TMEM236: variants seen among roughly 807,000 people sequenced by gnomAD.
The protein encoded by TMEM236 is transmembrane protein 236.
A neutral mutation model predicts 14.7 loss-of-function variants in TMEM236; 11 were observed. The observed-to-expected ratio is 0.75, with a 90% CI of 0.47 to 1.24. TMEM236 has a LOEUF of 1.24. Ranked by LOEUF, TMEM236 falls within the 50% of genes most tolerant of loss-of-function variation. The pLI is 0.00. For missense variants in TMEM236, 464 were observed against 427.3 expected, an observed-to-expected ratio of 1.09 and a Z score of -0.76; for synonymous variants, 182 against 168.6, an observed-to-expected ratio of 1.08 and a Z score of -0.62.
intron 3 of TMEM236, among the ~76,000 whole-genome samples, chr10:17,782,188 A>C (rs1837762116): frequency 6.6e-6 from 1 of 152,124 alleles, no homozygotes; most frequent in African/African-American, 2.4e-5. Flanking sequence ...ACCTTTGAAA[A>C]ACAGATAAAC....
rs782086206 is a variant in TMEM236 at position 17,771,316 on chromosome 10, G to A, written c.265G>A (p.Val89Ile). Residue 89 changes from valine to isoleucine, a missense_variant, in exon 2 of 4, where the codon GTT (valine) becomes ATT (isoleucine). Val to Ile is a conservative substitution (Grantham distance 29). Coordinates refer to ENST00000377495, the MANE Select transcript of TMEM236 (RefSeq NM_001098844.3). Reference protein sequence around the residue: ...IYRKIKGWRPVLMMCVVLTTL... With the variant: ...IYRKIKGWRPILMMCVVLTTL... Reference sequence around the variant, plus strand: ...TTTTTTCTCCTTTGCTAGGAGACCTGTTCTGATGATGTGTGTGGTCCTCAC... The same window carrying A: ...TTTTTTCTCCTTTGCTAGGAGACCTATTCTGATGATGTGTGTGGTCCTCAC... 2 of 1,613,904 alleles carry A rather than the reference G, an allele frequency of 1.2e-6. No homozygotes were observed. Among genetic ancestry groups the A allele is most frequent in the Non-Finnish European group, 1.7e-6 (2 of 1,179,826 alleles).
chr10:17,789,179 G>T (rs934693275), intron 3 of TMEM236, among the ~76,000 whole-genome samples: 4 of 152,050 alleles, frequency 2.6e-5, no homozygotes, highest in African/African-American at 9.7e-5. Context: ...ATATCTGTAG[G>T]GTAGCATTTT....
chr10:17,758,891 T>C (rs2131740488), intron 1 of TMEM236, among the ~76,000 whole-genome samples: 1 of 152,376 alleles, frequency 6.6e-6, no homozygotes, highest in South Asian at 2.1e-4. Flanking sequence ...TGTTATTTTA[T>C]GTCATATTTA....
At chr10:17,760,555 C>G (rs1837347466) in intron 1 of TMEM236, among the ~76,000 whole-genome samples, 2 of 152,120 alleles carry the variant, frequency 1.3e-5, no homozygotes, top group African/African-American at 4.8e-5. Context: ...ATTTCCTTTA[C>G]AGTTTGGTCT....
chr10:17,753,084 C>T (rs1256617981), intron 1 of TMEM236, among the ~76,000 whole-genome samples: 9 of 151,842 alleles, frequency 5.9e-5, no homozygotes, highest in African/African-American at 1.7e-4. Flanking sequence ...TTAGTAGAGA[C>T]GGGGTTTTCA....
At chr10:17,772,629 A>G (rs1343011694) in intron 2 of TMEM236, among the ~76,000 whole-genome samples, 1 of 152,122 alleles carries the variant, frequency 6.6e-6, no homozygotes, top group Non-Finnish European at 1.5e-5. Flanking sequence ...AGTATAACAC[A>G]TAAACAGAAA....
intron 3 of TMEM236, among the ~76,000 whole-genome samples, chr10:17,783,711 A>G (rs1209134120): frequency 6.6e-6 from 1 of 152,240 alleles, no homozygotes; most frequent in Non-Finnish European, 1.5e-5. Flanking sequence ...CTAAATAGCA[A>G]CGTAAAGAAA....
At chr10:17,790,660 G>T (rs1392522788) in intron 3 of TMEM236, among the ~76,000 whole-genome samples, 1 of 152,036 alleles carries the variant, frequency 6.6e-6, no homozygotes, top group Non-Finnish European at 1.5e-5. Context: ...CCACTGCTTT[G>T]TGTGCCGAAT....
chr10:17,780,788 CAAAA>C (rs1360737457), intron 3 of TMEM236, among the ~76,000 whole-genome samples: 59 of 152,192 alleles, frequency 3.9e-4, no homozygotes, highest in African/African-American at 1.3e-3. Context: ...GTTTAATAGA[CAAAA>C]GAAAGAAAGG....
At position 17,798,226 on chromosome 10, in the gene TMEM236, C is replaced by T. The variant is rs1175110640; in HGVS notation, c.*1722C>T. The T allele has an allele frequency of 4.2e-6, 1 of 238,770 alleles. No individual in the cohort carries two copies. The highest frequency in any genetic ancestry group is 2.3e-5 in the African/African-American group (1 of 43,480). The allele number at this position is 238,770 out of a possible 1,614,324, so 14.8% of individuals were successfully genotyped here. ...AAATCATTAAGAATGAGACATATGGCTTAAGAATGAAGCTTAAGAATTTGA... is the reference window on the plus strand; with the variant it reads ...AAATCATTAAGAATGAGACATATGGTTTAAGAATGAAGCTTAAGAATTTGA... On this transcript the variant is annotated 3_prime_UTR_variant, in exon 4 of 4. Coordinates refer to ENST00000377495, the MANE Select transcript of TMEM236 (RefSeq NM_001098844.3).
At chr10:17,758,557 C>G (rs1363600335) in intron 1 of TMEM236, among the ~76,000 whole-genome samples, 1 of 152,142 alleles carries the variant, frequency 6.6e-6, no homozygotes, top group Non-Finnish European at 1.5e-5. Context: ...TCTTGGAGTG[C>G]TGTTTTAAGA....
At chr10:17,794,627 A>G (rs1198263518) in intron 3 of TMEM236, among the ~76,000 whole-genome samples, 1 of 152,208 alleles carries the variant, frequency 6.6e-6, no homozygotes, top group Non-Finnish European at 1.5e-5. Context: ...TGGCCACAGA[A>G]GAGATGCTTT....
chr10:17,782,741 G>C (rs35279488), intron 3 of TMEM236, among the ~76,000 whole-genome samples: 1 of 151,944 alleles, frequency 6.6e-6, no homozygotes, highest in African/African-American at 2.4e-5. Context: ...GTGAGCCACC[G>C]CGCCAGGCCT....
chr10:17,782,255 C>G (rs1589149734), intron 3 of TMEM236, among the ~76,000 whole-genome samples: 1 of 152,072 alleles, frequency 6.6e-6, no homozygotes, highest in African/African-American at 2.4e-5. Context: ...TCCAAAAGAA[C>G]ACATACTCAT....
intron 3 of TMEM236, among the ~76,000 whole-genome samples, chr10:17,782,925 G>A (rs1837777221): frequency 6.6e-6 from 1 of 152,124 alleles, no homozygotes; most frequent in Non-Finnish European, 1.5e-5. Context: ...AAGTAAAAGG[G>A]TTGAGAAGGA....
chr10:17,765,180 C>T lies in TMEM236; in HGVS notation c.258-6129C>T, dbSNP rs961169819. On this transcript the variant is annotated intron_variant, in intron 1 of 3. Transcript: ENST00000377495. Reference sequence around the variant, plus strand: ...TTGGATCAGAGTCTCCCCTTACACCCTGTTTTCACTTGATGACCTCCATAA... The same window carrying T: ...TTGGATCAGAGTCTCCCCTTACACCTTGTTTTCACTTGATGACCTCCATAA... Among the ~76,000 whole-genome samples, 81 of 152,142 alleles carry T rather than the reference C, an allele frequency of 5.3e-4. 1 individual carries two copies. Among genetic ancestry groups the T allele is most frequent in the African/African-American group, 1.8e-3 (74 of 41,514 alleles).
intron 3 of TMEM236, among the ~76,000 whole-genome samples, chr10:17,782,809 G>T (rs1184785061): frequency 6.6e-6 from 1 of 152,104 alleles, no homozygotes; most frequent in East Asian, 1.9e-4. Context: ...ATTCCATTAT[G>T]TTAATGAGCC....
rs557183313 is a variant in TMEM236, at chr10:17,770,632, C to T, written c.258-677C>T. ...TCTCCTGACCTCGTGATCCACCTGC[C>T]TTGGCCTCCCAAAATGCTGGGATTA... is the stretch of plus-strand genomic sequence containing the variant. On this transcript the variant is annotated intron_variant, in intron 1 of 3. Coordinates refer to ENST00000377495, the MANE Select transcript of TMEM236 (RefSeq NM_001098844.3). Among the ~76,000 whole-genome samples, 489 of 152,318 alleles carry T rather than the reference C, an allele frequency of 3.2e-3. 1 individual carries two copies. The highest frequency in any genetic ancestry group is 0.011 in the African/African-American group (470 of 41,568).
chr10:17,761,156 C>T (rs1054418452), intron 1 of TMEM236, among the ~76,000 whole-genome samples: 8 of 152,152 alleles, frequency 5.3e-5, no homozygotes, highest in African/African-American at 1.9e-4. Context: ...CCAATTAGGC[C>T]CTTATTTCCA....
Sources: allele counts gnomAD v4.1 joint callset (sites outside exome capture counted in the v4.1 genomes callset), GRCh38; gene constraint gnomAD v4.1.1; transcripts MANE v1.5; gene names NCBI Gene and HGNC (gene_info 2026-07-23, HGNC 2026-07-21).